Variants in CDHR2 observed in about 807,000 individuals in gnomAD.
CDHR2 encodes cadherin related family member 2, also known as cadherin-related family member 2.
Under a neutral mutation model 138.6 loss-of-function variants are expected in CDHR2, and 104 were observed. The ratio of observed to expected loss-of-function variants is 0.75; its 90% CI spans 0.64 to 0.88. The LOEUF (loss-of-function observed/expected upper bound fraction) is 0.88, where lower values mean the gene tolerates loss of function less well. CDHR2 is among the 40% of genes least tolerant of loss of function. The pLI, the probability that CDHR2 is intolerant of heterozygous loss-of-function variation, is 0.00. For synonymous variants in CDHR2, 755 were observed against 742.8 expected (o/e 1.02, Z -0.27); for missense variants, 1,624 against 1,727.6 (o/e 0.94, Z 1.06).
At chr5:176,546,801 G>C (rs1757593843), upstream of CDHR2, among the ~76,000 whole-genome samples, 1 of 148,732 alleles carries the variant, frequency 6.7e-6, no homozygotes, top group African/African-American at 2.5e-5. Flanking sequence ...CCCCAGAGGA[G>C]CCTGGTCTCT....
chr5:176,583,742 AG>A (rs1758579761), intron 17 of CDHR2, among the ~76,000 whole-genome samples: 1 of 152,148 alleles, frequency 6.6e-6, no homozygotes, highest in South Asian at 2.1e-4. Context: ...TGTGTGCAGG[AG>A]GGACAGGGGT....
At chr5:176,571,525 A>G (rs544232727) in intron 6 of CDHR2, among the ~76,000 whole-genome samples, 21 of 147,058 alleles carry the variant, frequency 1.4e-4, no homozygotes, top group Admixed American at 2.7e-4. Context: ...ATGAAAGCAA[A>G]AAAAAAAAAG....
rs138031241 is a variant in CDHR2, at chr5:176,555,471, A to T, written c.-16+6057A>T. ...TTGCTGTGAAGATGAAATTCTATGA[A>T]TCCCAAATATTCTGCCTCCAAACTA... On this transcript the variant is annotated intron_variant, in intron 1 of 31. Transcript: ENST00000261944. Among the ~76,000 whole-genome samples, 3 of 152,284 alleles carry T rather than the reference A, an allele frequency of 2.0e-5. No individual in the cohort carries two copies. In the East Asian group the frequency reaches 5.8e-4, roughly 29 times the overall value.
intron 1 of CDHR2, among the ~76,000 whole-genome samples, chr5:176,562,112 C>G (rs980376932): frequency 6.6e-6 from 1 of 151,664 alleles, no homozygotes; most frequent in Non-Finnish European, 1.5e-5. Flanking sequence ...CTGGAGTGGT[C>G]GAGGGTAGTC....
At chr5:176,582,126 T>A (rs1216014365) in intron 17 of CDHR2, among the ~76,000 whole-genome samples, 2 of 152,152 alleles carry the variant, frequency 1.3e-5, no homozygotes, top group Non-Finnish European at 2.9e-5. Flanking sequence ...GCTCAAGCGA[T>A]CCTCCTGCCT....
intron 3 of CDHR2, among the ~76,000 whole-genome samples, chr5:176,568,201 C>T (rs1175443983): frequency 2.0e-5 from 3 of 152,180 alleles, no homozygotes; most frequent in East Asian, 1.9e-4. Context: ...AGTGGGCGAC[C>T]AGCCTGCTGC....
chr5:176,561,641 CTTTT>C (rs397772792), intron 1 of CDHR2, among the ~76,000 whole-genome samples: 2 of 130,370 alleles, frequency 1.5e-5, no homozygotes, highest in Non-Finnish European at 3.2e-5. Flanking sequence ...GAGTTGGGTT[CTTTT>C]TTTTTTTTTT....
chr5:176,568,639 G>A (rs201557706), intron 3 of CDHR2, 39 bp from the exon 4 acceptor site: 1 of 1,608,228 alleles, frequency 6.2e-7, no homozygotes, highest in Non-Finnish European at 8.5e-7. Context: ...CACTGAAAGG[G>A]TGGCTGTGGA....
In CDHR2 at chr5:176,553,365, C is replaced by T. The variant is rs576350063; in HGVS notation, c.-16+3951C>T. Among the ~76,000 whole-genome samples the T allele has an allele frequency of 6.4e-4, 97 of 152,246 alleles. No homozygotes were observed. Among genetic ancestry groups the T allele is most frequent in the African/African-American group, 2.2e-3 (91 of 41,544 alleles). On this transcript the variant is annotated intron_variant, in intron 1 of 31. Transcript: ENST00000261944. This position sits in a 1 kb window ranked among gnomAD's most constrained non-coding sequence, Gnocchi z 4.3. Reference sequence around the variant, plus strand: ...GGTAATGGGGGCAAAGTGCTAGCCTCGGTACACGGCCCTTCCTTGCCAGTT... The same window carrying T: ...GGTAATGGGGGCAAAGTGCTAGCCTTGGTACACGGCCCTTCCTTGCCAGTT...
Position 176,566,679 on chromosome 5 carries a change from G to A in CDHR2, c.124+936G>A, listed in dbSNP as rs536821213. Among the ~76,000 whole-genome samples, 54 of 152,372 alleles carry A rather than the reference G, an allele frequency of 3.5e-4. 1 individual carries two copies. In the South Asian group the frequency reaches 0.011, roughly 32 times the overall value. ...CACAGGTCCCACCCACATGGGCCAG[G>A]ATGGCTCAGACGAGAAACCATTCCA... On this transcript the variant is annotated intron_variant, in intron 3 of 31. Transcript: ENST00000261944.
At chr5:176,546,692 G>A (rs905550812), upstream of CDHR2, among the ~76,000 whole-genome samples, 9 of 148,156 alleles carry the variant, frequency 6.1e-5, no homozygotes, top group Non-Finnish European at 8.9e-5. Context: ...AGGCCGACAC[G>A]GGTGGGTCAC....
intron 10 of CDHR2, 49 bp downstream of exon 10, chr5:176,575,630 G>A (rs948810643): frequency 2.3e-5 from 37 of 1,606,492 alleles, no homozygotes; most frequent in Non-Finnish European, 2.8e-5. Flanking sequence ...GCCAGGGTGG[G>A]GTCTCCGTCA....
intron 1 of CDHR2, among the ~76,000 whole-genome samples, chr5:176,557,092 T>C (rs2113261952): frequency 6.6e-6 from 1 of 151,372 alleles, no homozygotes; most frequent in East Asian, 1.9e-4. Flanking sequence ...CTTGGCTCCC[T>C]GCAGCCTCAA....
intron 5 of CDHR2, among the ~76,000 whole-genome samples, chr5:176,570,274 G>T (rs1217525081): frequency 1.3e-5 from 2 of 152,196 alleles, no homozygotes; most frequent in African/African-American, 4.8e-5. Context: ...CCACATAGTT[G>T]TTCACAGCTT....
In CDHR2 at chr5:176,575,261, G is replaced by C; in HGVS notation, c.622-19G>C. The C allele has an allele frequency of 6.2e-7, 1 of 1,614,130 alleles. No individual in the cohort carries two copies. ...CTAGGACCCACGGCGCTGGCTCACGGGTGGCCATCTCCCCGCAGGACTTGG... is the reference window on the plus strand; with the variant it reads ...CTAGGACCCACGGCGCTGGCTCACGCGTGGCCATCTCCCCGCAGGACTTGG... On this transcript the variant is annotated intron_variant, in intron 8 of 31. Coordinates refer to ENST00000261944, the MANE Select transcript of CDHR2 (RefSeq NM_017675.6).
At chr5:176,583,012 C>T (rs1337888552) in intron 17 of CDHR2, among the ~76,000 whole-genome samples, 1 of 152,204 alleles carries the variant, frequency 6.6e-6, no homozygotes, top group Non-Finnish European at 1.5e-5. Flanking sequence ...CCCTGTGTCC[C>T]CTGGACTGGG....
Position 176,589,363 on chromosome 5 carries a change from CACCT to C in CDHR2, c.3046_3049del (p.Tyr1016LysfsTer2). On this transcript the variant is annotated frameshift_variant, in exon 23 of 32. Coordinates refer to ENST00000261944, the MANE Select transcript of CDHR2 (RefSeq NM_017675.6). LOFTEE classifies it high-confidence loss of function. ...CCAGCCTCGACTCCACTCTCCAAGGCACCTACCAAGTGACAGTCCAGGCCAGGGA... is the reference window on the plus strand; with the variant it reads ...CCAGCCTCGACTCCACTCTCCAAGGCACCAAGTGACAGTCCAGGCCAGGGA... The C allele has an allele frequency of 6.4e-7, 1 of 1,559,098 alleles. No homozygotes were observed. The highest frequency in any genetic ancestry group is 1.4e-5 in the African/African-American group (1 of 73,710).
At position 176,577,798 on chromosome 5, in the gene CDHR2, C is replaced by T. The variant is rs140761643; in HGVS notation, c.1512C>T (p.His504=). The part of the protein sequence containing the change: ...ATGSVVTDSI[H]ATDPDTGAWG... ...GCTCTGTGGTCACCGACAGCATCCA[C>T]GTGAGTGATGTGGACACAGTGGGGC... The change falls in exon 14 of 32, where the codon CAC becomes CAT. Residue 504 remains histidine, a splice_region_variant and synonymous_variant. Transcript: ENST00000261944. 1.8e-4 allele frequency: 297 copies of T among 1,613,746 alleles called. No individual in the cohort carries two copies. Among genetic ancestry groups the T allele is most frequent in the Non-Finnish European group, 2.2e-4 (257 of 1,179,854 alleles).
chr5:176,569,033 G>T, intron 5 of CDHR2, 23 bp downstream of exon 5: 2 of 1,613,192 alleles, frequency 1.2e-6, no homozygotes, highest in Non-Finnish European at 1.7e-6. Context: ...GTGCAGGGGG[G>T]TAGACAGGGA....
Sources: allele counts gnomAD v4.1 joint callset (sites outside exome capture counted in the v4.1 genomes callset), GRCh38; gene constraint gnomAD v4.1.1; non-coding constraint Gnocchi (gnomAD v3.1); transcripts MANE v1.5; gene names NCBI Gene and HGNC (gene_info 2026-07-23, HGNC 2026-07-21).